Variants in XYLT1 observed in about 807,000 individuals in gnomAD.
XYLT1 encodes the protein xylosyltransferase 1.
XYLT1 carries 36 observed loss-of-function variants against 91.3 expected under a neutral mutation model. That is an observed-to-expected ratio of 0.39 (90% CI 0.30 to 0.52). The LOEUF is 0.52. XYLT1 is among the 20% of genes least tolerant of loss of function. XYLT1 has a pLI of 0.68. For missense variants in XYLT1, 1,242 were observed against 1,284.5 expected, an observed-to-expected ratio of 0.97 and a Z score of 0.51; for synonymous variants, 588 against 532.0, an observed-to-expected ratio of 1.11 and a Z score of -1.45.
chr16:17,257,811 A>G (rs145899647), intron 3 of XYLT1, among the ~76,000 whole-genome samples: 6 of 152,330 alleles, frequency 3.9e-5, no homozygotes, highest in East Asian at 1.9e-4. Flanking sequence ...AGAGTGTTGG[A>G]TGTGATAAAC....
Position 17,200,503 on chromosome 16 carries a change from G to A in XYLT1, c.1065C>T (p.Phe355=), listed in dbSNP as rs760009272. The part of the protein sequence containing the change: ...MFKAIYHKDH[F]YYIHVDKRSN... ...TCACCTTGTCCACGTGGATGTAGTA[G>A]AAGTGGTCTTTGTGGTAGATGGCCT... Residue 355 remains phenylalanine, a synonymous_variant, in exon 4 of 12, where the codon TTC becomes TTT. Coordinates refer to ENST00000261381, the MANE Select transcript of XYLT1 (RefSeq NM_022166.4). 1.9e-6 allele frequency: 3 copies of A among 1,613,986 alleles called. No individual in the cohort carries two copies. Among genetic ancestry groups the A allele is most frequent in the South Asian group, 2.2e-5 (2 of 91,094 alleles).
At chr16:17,181,434 A>G (rs759756528) in intron 5 of XYLT1, among the ~76,000 whole-genome samples, 4 of 152,260 alleles carry the variant, frequency 2.6e-5, no homozygotes, top group Non-Finnish European at 4.4e-5. Flanking sequence ...ATTAATAACT[A>G]TACAGGATTA....
rs1272916506 is a variant in XYLT1 at position 17,134,691 on chromosome 16, C to G, written c.1809G>C (p.Val603=). The part of the protein sequence containing the change: ...PTFFARKFEA[V]VNQEIIGQLD... ...GCTGCCCAATGATTTCCTGATTCAC[C>G]ACGGCTTCAAACTTGCGGGCAAAGA... Residue 603 remains valine (V), a synonymous_variant, in exon 9 of 12, where the codon GTG becomes GTC. Coordinates refer to ENST00000261381, the MANE Select transcript of XYLT1 (RefSeq NM_022166.4). 3 of 1,614,032 alleles carry G rather than the reference C, an allele frequency of 1.9e-6. No homozygotes were observed. The highest frequency in any genetic ancestry group is 2.5e-6 in the Non-Finnish European group (3 of 1,180,032).
At chr16:17,376,826 T>TAAAAA (rs1470280780) in intron 1 of XYLT1, among the ~76,000 whole-genome samples, 1 of 23,372 alleles carries the variant, frequency 4.3e-5, no homozygotes, top group Non-Finnish European at 6.2e-5. Flanking sequence ...AAACTCTGTC[T>TAAAAA]CAAAAAAAAA....
intron 2 of XYLT1, among the ~76,000 whole-genome samples, chr16:17,352,675 C>T (rs1462820976): frequency 1.3e-5 from 2 of 152,158 alleles, no homozygotes; most frequent in Non-Finnish European, 2.9e-5. Flanking sequence ...TCCCCCACTA[C>T]CTGGGAGATT....
At chr16:17,208,610 G>C (rs1021475771) in intron 3 of XYLT1, among the ~76,000 whole-genome samples, 1 of 152,174 alleles carries the variant, frequency 6.6e-6, no homozygotes, top group Non-Finnish European at 1.5e-5. Context: ...AAGCATTTAT[G>C]TATAGAATTT....
chr16:17,323,878 G>T (rs543387493), intron 2 of XYLT1, among the ~76,000 whole-genome samples: 3 of 152,172 alleles, frequency 2.0e-5, no homozygotes, highest in African/African-American at 7.2e-5. Flanking sequence ...GTTCCGAAGC[G>T]CAGATAATAC....
chr16:17,148,246 G>A (rs965967870), intron 6 of XYLT1, among the ~76,000 whole-genome samples: 1 of 152,152 alleles, frequency 6.6e-6, no homozygotes, highest in Non-Finnish European at 1.5e-5. Flanking sequence ...GCAATGAACC[G>A]ACTCAACCAT....
At chr16:17,274,929 C>T (rs2033950386) in intron 2 of XYLT1, among the ~76,000 whole-genome samples, 1 of 152,178 alleles carries the variant, frequency 6.6e-6, no homozygotes, top group African/African-American at 2.4e-5. Context: ...GAAATCCCAG[C>T]ACTTTGGGAG....
At chr16:17,438,238 G>A (rs1424771909) in intron 1 of XYLT1, among the ~76,000 whole-genome samples, 1 of 152,128 alleles carries the variant, frequency 6.6e-6, no homozygotes, top group Non-Finnish European at 1.5e-5. Flanking sequence ...AGAAGATGAT[G>A]ATGTTAATAG....
At chr16:17,461,443 C>T (rs1194524669) in intron 1 of XYLT1, among the ~76,000 whole-genome samples, 1 of 152,194 alleles carries the variant, frequency 6.6e-6, no homozygotes, top group African/African-American at 2.4e-5. Context: ...GCAGGAGGCA[C>T]ATTGGTCCTG....
At chr16:17,390,042 C>G (rs1448158965) in intron 1 of XYLT1, among the ~76,000 whole-genome samples, 2 of 152,176 alleles carry the variant, frequency 1.3e-5, no homozygotes, top group African/African-American at 4.8e-5. Flanking sequence ...CACCCCCTGC[C>G]CATCTCTTCA....
chr16:17,141,108 G>A, intron 7 of XYLT1, 45 bp downstream of exon 7: 2 of 1,594,256 alleles, frequency 1.3e-6, no homozygotes, highest in Non-Finnish European at 1.7e-6. Context: ...ACAAAGGCTA[G>A]AACAAGCCCC....
rs991914181 is a variant in XYLT1 at position 17,382,757 on chromosome 16, C to T, written c.364-24707G>A. Among the ~76,000 whole-genome samples the T allele has an allele frequency of 2.0e-5, 3 of 151,874 alleles. No homozygotes were observed. In the Admixed American group the frequency reaches 2.0e-4, roughly 10 times the overall value. On this transcript the variant is annotated intron_variant, in intron 1 of 11. Coordinates refer to ENST00000261381, the MANE Select transcript of XYLT1 (RefSeq NM_022166.4). The stretch of plus-strand genomic sequence containing the variant: ...GCTCCAGATAACAGTCCCCATACTC[C>T]AGATAACGGTCCCCATACTGGCACT...
intron 3 of XYLT1, among the ~76,000 whole-genome samples, chr16:17,238,672 T>C (rs751904399): frequency 2.0e-5 from 3 of 152,260 alleles, no homozygotes; most frequent in Admixed American, 6.5e-5. Context: ...CTCTTTGTCT[T>C]CAGCATCTAT....
intron 5 of XYLT1, among the ~76,000 whole-genome samples, chr16:17,172,494 G>A (rs1459826736): frequency 3.2e-5 from 4 of 125,794 alleles, no homozygotes; most frequent in South Asian, 2.4e-4. Context: ...TTTTTGAGAC[G>A]GAGTCTCGCT....
chr16:17,113,999 G>C (rs1011651922), intron 11 of XYLT1, among the ~76,000 whole-genome samples: 1 of 151,384 alleles, frequency 6.6e-6, no homozygotes, highest in Non-Finnish European at 1.5e-5. Context: ...CTAGGAGGGT[G>C]GGCATCCCTA....
intron 5 of XYLT1, among the ~76,000 whole-genome samples, chr16:17,167,276 C>T (rs1490428246): frequency 6.6e-6 from 1 of 152,262 alleles, no homozygotes; most frequent in African/African-American, 2.4e-5. Flanking sequence ...TACTACTTCC[C>T]TTCAAGGGGA....
intron 1 of XYLT1, among the ~76,000 whole-genome samples, chr16:17,378,265 G>T (rs1196960938): frequency 6.6e-6 from 1 of 151,776 alleles, no homozygotes; most frequent in Non-Finnish European, 1.5e-5. Flanking sequence ...AGAGACTGCA[G>T]TTCCCATACC....
Sources: gnomAD v4.1 joint callset for allele counts (sites outside exome capture counted in the v4.1 genomes callset) on GRCh38, gnomAD v4.1.1 for gene constraint, MANE v1.5 for transcripts, NCBI Gene and HGNC (gene_info 2026-07-23, HGNC 2026-07-21) for gene names.